Variants in PTPRT observed in about 807,000 individuals in gnomAD.
PTPRT encodes the protein receptor-type tyrosine-protein phosphatase T.
Under a neutral mutation model 176.8 loss-of-function variants are expected in PTPRT, and 56 were observed. That is an observed-to-expected ratio of 0.32 (90% CI 0.26 to 0.40). The LOEUF (loss-of-function observed/expected upper bound fraction) is 0.40. Among genes scored for constraint, PTPRT ranks in the 10% least tolerant of loss-of-function variants. The probability of loss-of-function intolerance (pLI) is 1.00; values close to 1 mark genes in which losing one functional copy is unlikely to be tolerated. For missense variants in PTPRT, 1,540 were observed against 1,908.2 expected (o/e 0.81, Z 3.60); for synonymous variants, 783 against 739.0 (o/e 1.06, Z -0.96).
At chr20:42,090,418 G>A (rs182609328) in intron 27 of PTPRT, among the ~76,000 whole-genome samples, 47 of 151,760 alleles carry the variant, frequency 3.1e-4, no homozygotes, top group Non-Finnish European at 4.6e-4. Context: ...CCGATGAGCT[G>A]AATGACCCAG....
At position 42,234,994 on chromosome 20, in the gene PTPRT, G is replaced by A. The variant is rs899150394; in HGVS notation, c.2342+1235C>T. ...CCAGAGGTGAGGGAAGACATGGAGCGCTAAGCAATACATTTTACCGGAAGC... is the reference window on the plus strand; with the variant it reads ...CCAGAGGTGAGGGAAGACATGGAGCACTAAGCAATACATTTTACCGGAAGC... On this transcript the variant is annotated intron_variant, in intron 15 of 30. Coordinates refer to ENST00000373187, the MANE Select transcript of PTPRT (RefSeq NM_007050.6). 5.9e-5 allele frequency among the ~76,000 whole-genome samples: 9 copies of A among 152,292 alleles called. No individual in the cohort carries two copies. In the South Asian group the frequency reaches 1.5e-3, roughly 25 times the overall value.
intron 7 of PTPRT, among the ~76,000 whole-genome samples, chr20:42,539,218 A>T (rs903706437): frequency 6.6e-6 from 1 of 152,150 alleles, no homozygotes; most frequent in African/African-American, 2.4e-5. Flanking sequence ...CTGAGTACAC[A>T]CTAACTGTGG....
At chr20:42,411,812 A>G (rs1047159374) in intron 9 of PTPRT, among the ~76,000 whole-genome samples, 7 of 150,384 alleles carry the variant, frequency 4.7e-5, no homozygotes, top group African/African-American at 1.7e-4. Flanking sequence ...ATCCATATGA[A>G]AACAGTTTCA....
chr20:42,563,620 T>A (rs888889727), intron 7 of PTPRT, among the ~76,000 whole-genome samples: 2 of 152,154 alleles, frequency 1.3e-5, no homozygotes, highest in Non-Finnish European at 1.5e-5. Flanking sequence ...AGGAAAATCA[T>A]GAAGTAAAGT....
At chr20:42,268,918 C>T (rs537569555) in intron 13 of PTPRT, among the ~76,000 whole-genome samples, 60 of 152,298 alleles carry the variant, frequency 3.9e-4, no homozygotes, top group Non-Finnish European at 6.9e-4. Flanking sequence ...TCACAAATAC[C>T]TCCCTTCCTA....
intron 4 of PTPRT, among the ~76,000 whole-genome samples, chr20:42,775,871 T>C (rs554672506): frequency 6.6e-6 from 1 of 152,362 alleles, no homozygotes; most frequent in African/African-American, 2.4e-5. Context: ...CTTTTTTGAA[T>C]TGAACGCATA....
chr20:42,710,528 C>A (rs1354906866), intron 6 of PTPRT, among the ~76,000 whole-genome samples: 2 of 152,242 alleles, frequency 1.3e-5, no homozygotes, highest in Non-Finnish European at 2.9e-5. Flanking sequence ...GTTATGTTTG[C>A]AAGTGCACAG....
intron 18 of PTPRT, among the ~76,000 whole-genome samples, chr20:42,130,047 C>T (rs541376840): frequency 5.9e-5 from 9 of 152,340 alleles, no homozygotes; most frequent in African/African-American, 2.2e-4. Flanking sequence ...GAAAGCCTGA[C>T]TGGCCACATG....
At chr20:42,714,043 C>G (rs917876216) in intron 6 of PTPRT, among the ~76,000 whole-genome samples, 1 of 152,170 alleles carries the variant, frequency 6.6e-6, no homozygotes, top group African/African-American at 2.4e-5. Flanking sequence ...TGGACTAAGA[C>G]AACACGGAAA....
At chr20:42,191,362 T>G (rs1174598142) in intron 16 of PTPRT, among the ~76,000 whole-genome samples, 1 of 152,072 alleles carries the variant, frequency 6.6e-6, no homozygotes, top group East Asian at 1.9e-4. Context: ...ATTTAGAGGT[T>G]AATTAAAACA....
At chr20:42,667,952 G>C (rs1442126623) in intron 7 of PTPRT, among the ~76,000 whole-genome samples, 1 of 152,134 alleles carries the variant, frequency 6.6e-6, no homozygotes, top group African/African-American at 2.4e-5. Context: ...CATGGGCAGA[G>C]TGAGGTTGTA....
chr20:42,077,207 A>G lies in PTPRT; in HGVS notation c.*3672T>C. 5.4e-6 allele frequency: 1 copy of G among 185,168 alleles called. No homozygotes were observed. The highest frequency in any genetic ancestry group is 1.1e-5 in the Non-Finnish European group (1 of 87,398). The allele number at this position is 185,168 out of a possible 1,614,324, so 11.5% of individuals were successfully genotyped here. ...ACAGAGAGGGCCAGCACTAAAAGCAAACTGTCCCCTTCCATTCCCACAAAG... is the reference window on the plus strand; with the variant it reads ...ACAGAGAGGGCCAGCACTAAAAGCAGACTGTCCCCTTCCATTCCCACAAAG... On this transcript the variant is annotated 3_prime_UTR_variant, in exon 31 of 31. Transcript: ENST00000373187.
At chr20:42,220,989 GT>G (rs1032460885) in intron 15 of PTPRT, among the ~76,000 whole-genome samples, 1 of 152,024 alleles carries the variant, frequency 6.6e-6, no homozygotes, top group Non-Finnish European at 1.5e-5. Context: ...AGTTGGTAGA[GT>G]TTTTTTGTTT....
At chr20:42,162,644 C>G (rs776700602) in intron 16 of PTPRT, among the ~76,000 whole-genome samples, 2 of 152,236 alleles carry the variant, frequency 1.3e-5, no homozygotes, top group East Asian at 3.8e-4. Flanking sequence ...GAACTGCCAG[C>G]TGCAGCAGTT....
chr20:42,974,467 ACG>A (rs1401226674), intron 1 of PTPRT, among the ~76,000 whole-genome samples: 1 of 151,876 alleles, frequency 6.6e-6, no homozygotes, highest in Non-Finnish European at 1.5e-5. Context: ...ACCTCAGTGC[ACG>A]CGCGCACACA....
At chr20:42,432,952 C>G (rs1025948388) in intron 9 of PTPRT, among the ~76,000 whole-genome samples, 1 of 152,160 alleles carries the variant, frequency 6.6e-6, no homozygotes, top group Non-Finnish European at 1.5e-5. Flanking sequence ...TTTCCCAGGC[C>G]ATGATCACTC....
intron 13 of PTPRT, among the ~76,000 whole-genome samples, chr20:42,274,031 G>A (rs1458392276): frequency 1.3e-5 from 2 of 152,166 alleles, no homozygotes; most frequent in Non-Finnish European, 1.5e-5. Flanking sequence ...ATAGTGGGAT[G>A]GATCATGGAT....
At chr20:42,055,621 T>C in the PTPRT span, among the ~76,000 whole-genome samples, 44 of 152,208 alleles carry the variant, frequency 2.9e-4, no homozygotes, top group African/African-American at 1.0e-3. Context: ...CTGTGCAGCC[T>C]ACACTGACAC....
At chr20:42,461,126 G>A (rs967737319) in intron 8 of PTPRT, among the ~76,000 whole-genome samples, 9 of 152,144 alleles carry the variant, frequency 5.9e-5, no homozygotes, top group East Asian at 1.9e-4. Flanking sequence ...TTGGGAGTTC[G>A]ATACCAGCCT....
Sources: gnomAD v4.1 joint callset for allele counts (sites outside exome capture counted in the v4.1 genomes callset) on GRCh38, gnomAD v4.1.1 for gene constraint, MANE v1.5 for transcripts, NCBI Gene and HGNC (gene_info 2026-07-23, HGNC 2026-07-21) for gene names.